The following RBFOX1 variants were observed in gnomAD, a reference collection of about 807,000 sequenced individuals.
The protein encoded by RBFOX1 is RNA binding protein fox-1 homolog 1.
A neutral mutation model predicts 57.7 loss-of-function variants in RBFOX1; 8 were observed. That is an observed-to-expected ratio of 0.14 (90% confidence interval 0.08 to 0.25). The LOEUF (loss-of-function observed/expected upper bound fraction) is 0.25, where lower values mean the gene tolerates loss of function less well. Among genes scored for constraint, RBFOX1 ranks in the 10% least tolerant of loss-of-function variants. The pLI, the probability that RBFOX1 is intolerant of heterozygous loss-of-function variation, is 1.00. For synonymous variants in RBFOX1, 326 were observed against 222.4 expected (o/e 1.47, Z -4.15); for missense variants, 611 against 548.5 (o/e 1.11, Z -1.14).
chr16:5,392,208 C>G (rs2066431140), intron 1 of RBFOX1, among the ~76,000 whole-genome samples: 1 of 151,990 alleles, frequency 6.6e-6, no homozygotes, highest in East Asian at 1.9e-4. Flanking sequence ...ATGGGTGCAC[C>G]AAAACCTCAC....
chr16:5,926,476 G>A (rs558968180), intron 4 of RBFOX1, among the ~76,000 whole-genome samples: 1 of 152,260 alleles, frequency 6.6e-6, no homozygotes, highest in South Asian at 2.1e-4. Flanking sequence ...GATGCCAGAA[G>A]TCCTGCAGTG....
intron 4 of RBFOX1, among the ~76,000 whole-genome samples, chr16:7,488,513 C>T (rs186201953): frequency 3.3e-5 from 5 of 152,280 alleles, no homozygotes; most frequent in Admixed American, 6.5e-5. Context: ...CATCCATTGT[C>T]TACCTATCTA....
intron 4 of RBFOX1, among the ~76,000 whole-genome samples, chr16:5,928,928 G>T (rs1476783): frequency 6.6e-6 from 1 of 151,224 alleles, no homozygotes; most frequent in Non-Finnish European, 1.5e-5. Flanking sequence ...AACAGAGCTC[G>T]CAATGTGGCT....
At chr16:7,658,730 A>G (rs954428593) in intron 12 of RBFOX1, among the ~76,000 whole-genome samples, 6 of 152,126 alleles carry the variant, frequency 3.9e-5, no homozygotes, top group African/African-American at 4.8e-5. Flanking sequence ...GGAGCATCAC[A>G]TGAGTTATTT....
chr16:5,596,634 G>A (rs534601035), intron 2 of RBFOX1, among the ~76,000 whole-genome samples: 1 of 152,202 alleles, frequency 6.6e-6, no homozygotes, highest in Non-Finnish European at 1.5e-5. Flanking sequence ...CTTGGGTCTT[G>A]TCACTGGGTT....
At chr16:5,671,506 A>G (rs1015393002) in intron 3 of RBFOX1, among the ~76,000 whole-genome samples, 14 of 152,234 alleles carry the variant, frequency 9.2e-5, no homozygotes, top group African/African-American at 3.1e-4. Context: ...AAATTCAGCC[A>G]GAGGAGAAAA....
At chr16:7,417,133 G>A (rs1597912873) in intron 4 of RBFOX1, among the ~76,000 whole-genome samples, 1 of 152,188 alleles carries the variant, frequency 6.6e-6, no homozygotes, top group South Asian at 2.1e-4. Context: ...ACTTTGGGAG[G>A]CGGAGGCGGG....
At chr16:6,053,698 C>A (rs1330361347) in intron 1 of RBFOX1, among the ~76,000 whole-genome samples, 3 of 152,102 alleles carry the variant, frequency 2.0e-5, no homozygotes, top group Admixed American at 2.0e-4. Context: ...CATAAGAGAT[C>A]TTCAGGTCTT....
chr16:6,533,105 G>C (rs993157119), intron 2 of RBFOX1, among the ~76,000 whole-genome samples: 2 of 152,234 alleles, frequency 1.3e-5, no homozygotes, highest in African/African-American at 2.4e-5. Flanking sequence ...GGTTGGCCTA[G>C]TGCTAGATGG....
rs1417154233 is a variant in RBFOX1 at position 7,504,775 on chromosome 16, ATATATATATATT to A, written c.28-13360_28-13349del. The stretch of plus-strand genomic sequence containing the variant: ...TATATTTATATATATATATATTTAT[ATATATATATATT>A]TATATATATATATATTTATATATAT... On this transcript the variant is annotated intron_variant, in intron 4 of 15. Coordinates refer to ENST00000550418, the MANE Select transcript of RBFOX1 (RefSeq NM_018723.4). Among the ~76,000 whole-genome samples, 38 of 14,240 alleles carry A rather than the reference ATATATATATATT, an allele frequency of 2.7e-3. 6 individuals carry two copies. Among genetic ancestry groups the A allele is most frequent in the African/African-American group, 4.9e-3 (36 of 7,414 alleles). 9.3% of individuals were successfully genotyped at this position (14,240 alleles called of 152,430 possible).
intron 3 of RBFOX1, among the ~76,000 whole-genome samples, chr16:6,897,112 G>T (rs1226026878): frequency 2.0e-5 from 3 of 152,126 alleles, no homozygotes; most frequent in Non-Finnish European, 4.4e-5. Context: ...TTTATATTTG[G>T]CACATAAGAA....
chr16:6,940,848 A>AGTGTGTAGT lies in RBFOX1; in HGVS notation c.-15-111207_-15-111206insGTGTAGTGT. ...CAGGCGCCTGCCACCATGTCCGGCT[A>AGTGTGTAGT]GTCTGTGTGTGTGTGTGTGTGTGTG... On this transcript the variant is annotated intron_variant, in intron 3 of 15. Transcript: ENST00000550418. 6.8e-5 allele frequency among the ~76,000 whole-genome samples: 4 copies of AGTGTGTAGT among 58,500 alleles called. No homozygotes were observed. In the East Asian group the frequency reaches 1.9e-3, roughly 28 times the overall value. The allele number at this position is 58,500 out of a possible 152,430, so 38.4% of individuals were successfully genotyped here.
At chr16:5,998,604 GGTT>G (rs1349230391) in intron 4 of RBFOX1, among the ~76,000 whole-genome samples, 1 of 152,190 alleles carries the variant, frequency 6.6e-6, no homozygotes, top group Non-Finnish European at 1.5e-5. Context: ...ACTGAAGCAA[GGTT>G]GTGTGAGGGT....
intron 14 of RBFOX1, among the ~76,000 whole-genome samples, chr16:7,684,241 C>T (rs1338635899): frequency 2.6e-5 from 4 of 151,970 alleles, no homozygotes; most frequent in Non-Finnish European, 5.9e-5. Context: ...GTGTAAATCA[C>T]AATGCTTGGT....
intron 1 of RBFOX1, among the ~76,000 whole-genome samples, chr16:5,428,567 A>C (rs2067633808): frequency 6.6e-6 from 1 of 152,164 alleles, no homozygotes; most frequent in Non-Finnish European, 1.5e-5. Flanking sequence ...CACGGAGACA[A>C]ACAGGCAGCT....
chr16:7,192,463 G>A (rs1311532101), intron 4 of RBFOX1, among the ~76,000 whole-genome samples: 1 of 152,028 alleles, frequency 6.6e-6, no homozygotes, highest in East Asian at 1.9e-4. Flanking sequence ...TATAATACGT[G>A]GAATGTAGTA....
intron 3 of RBFOX1, among the ~76,000 whole-genome samples, chr16:6,754,215 G>T (rs1461703126): frequency 6.6e-6 from 1 of 152,136 alleles, no homozygotes; most frequent in Non-Finnish European, 1.5e-5. Flanking sequence ...AAGTGTCTAT[G>T]CTCTGGGGTT....
intron 4 of RBFOX1, among the ~76,000 whole-genome samples, chr16:7,198,678 A>G (rs2881437): frequency 0.32 from 49,115 of 152,070 alleles, 8,175 homozygotes; most frequent in Non-Finnish European, 0.36. Flanking sequence ...AGATGAACTC[A>G]CTTTTATAAC....
intron 1 of RBFOX1, among the ~76,000 whole-genome samples, chr16:6,219,242 G>A (rs568589082): frequency 6.6e-6 from 1 of 152,330 alleles, no homozygotes; most frequent in Non-Finnish European, 1.5e-5. Context: ...GCTGAGGTGG[G>A]AGGATCACTT....
Sources: allele counts gnomAD v4.1 joint callset (sites outside exome capture counted in the v4.1 genomes callset), GRCh38; gene constraint gnomAD v4.1.1; transcripts MANE v1.5; gene names NCBI Gene and HGNC (gene_info 2026-07-23, HGNC 2026-07-21).